The following NTRK3 variants were observed in gnomAD, a reference collection of about 807,000 sequenced individuals.
The protein encoded by NTRK3 is NT-3 growth factor receptor.
Under a neutral mutation model 91.7 loss-of-function variants are expected in NTRK3, and 24 were observed. The ratio of observed to expected loss-of-function variants is 0.26; its 90% CI spans 0.19 to 0.37. The LOEUF (loss-of-function observed/expected upper bound fraction) is 0.37, where lower values mean the gene tolerates loss of function less well. Ranked by LOEUF, NTRK3 falls within the 10% of genes least tolerant of loss-of-function variation. The pLI, the probability that NTRK3 is intolerant of heterozygous loss-of-function variation, is 1.00. For synonymous variants in NTRK3, 483 were observed against 404.0 expected (o/e 1.20, Z -2.34); for missense variants, 880 against 1,068.9 (o/e 0.82, Z 2.46).
chr15:87,981,825 G>A (rs1468417001), intron 14 of NTRK3, among the ~76,000 whole-genome samples: 1 of 152,160 alleles, frequency 6.6e-6, no homozygotes, highest in Non-Finnish European at 1.5e-5. Context: ...TAATTTTCAA[G>A]AGGAAAGCAA....
intron 3 of NTRK3, among the ~76,000 whole-genome samples, chr15:88,246,076 G>C (rs138030807): frequency 6.6e-6 from 1 of 152,270 alleles, no homozygotes; most frequent in African/African-American, 2.4e-5. Flanking sequence ...CCCCAGACCA[G>C]AGAGCTCCAC....
At chr15:88,054,883 A>G (rs967236233) in intron 13 of NTRK3, among the ~76,000 whole-genome samples, 1 of 152,108 alleles carries the variant, frequency 6.6e-6, no homozygotes, top group Non-Finnish European at 1.5e-5. Flanking sequence ...TTGCACTTCC[A>G]TGAGAAAGGT....
intron 14 of NTRK3, among the ~76,000 whole-genome samples, chr15:87,947,810 A>G (rs2070720655): frequency 1.3e-5 from 2 of 152,226 alleles, no homozygotes; most frequent in Admixed American, 1.3e-4. Flanking sequence ...GAAAACATTA[A>G]TTCAATACCA....
At chr15:87,951,619 A>C (rs1477996973) in intron 14 of NTRK3, among the ~76,000 whole-genome samples, 2 of 152,202 alleles carry the variant, frequency 1.3e-5, no homozygotes, top group Non-Finnish European at 2.9e-5. Flanking sequence ...GGACCCTAGG[A>C]AATGAACAGG....
Position 88,065,323 on chromosome 15 carries a change from C to G in NTRK3, c.1397-32278G>C, listed in dbSNP as rs145393853. Among the ~76,000 whole-genome samples, 204 of 152,310 alleles carry G rather than the reference C, an allele frequency of 1.3e-3. 1 individual carries two copies. Among genetic ancestry groups the G allele is most frequent in the Admixed American group, 2.4e-3 (36 of 15,300 alleles). ...TTCTAGCTCTCTAGCAGAAAACGTTCTTCTTAGTCCTGTTTCCAGTTCAGA... is the reference window on the plus strand; with the variant it reads ...TTCTAGCTCTCTAGCAGAAAACGTTGTTCTTAGTCCTGTTTCCAGTTCAGA... On this transcript the variant is annotated intron_variant, in intron 13 of 18. Coordinates refer to ENST00000394480, the Ensembl canonical transcript of NTRK3.
intron 13 of NTRK3, among the ~76,000 whole-genome samples, chr15:88,045,641 G>T (rs988042181): frequency 6.6e-6 from 1 of 152,184 alleles, no homozygotes; most frequent in Non-Finnish European, 1.5e-5. Context: ...AGTTCTGGAG[G>T]CTAGCAGTTG....
exon 19 of NTRK3, chr15:87,876,910 A>C (rs1279548714): frequency 6.2e-7 from 1 of 1,612,700 alleles, no homozygotes; most frequent in South Asian, 1.1e-5. Flanking sequence ...GCAACAGAGT[A>C]TGAATTCATG....
chr15:88,175,795 A>G (rs1249256138), intron 5 of NTRK3, among the ~76,000 whole-genome samples: 1 of 152,216 alleles, frequency 6.6e-6, no homozygotes, highest in African/African-American at 2.4e-5. Context: ...AGGCATAGAT[A>G]TGTTAAGTAA....
chr15:88,104,140 A>C (rs956146466), intron 13 of NTRK3, among the ~76,000 whole-genome samples: 6 of 152,196 alleles, frequency 3.9e-5, no homozygotes, highest in Non-Finnish European at 7.3e-5. Flanking sequence ...TTTACTACAA[A>C]TAACACTAAG....
At chr15:87,941,618 A>C (rs1191714884) in intron 14 of NTRK3, among the ~76,000 whole-genome samples, 2 of 152,104 alleles carry the variant, frequency 1.3e-5, no homozygotes, top group Non-Finnish European at 2.9e-5. Context: ...TACTTGGCCA[A>C]CCCTTCTCTG....
intron 13 of NTRK3, among the ~76,000 whole-genome samples, chr15:88,112,196 A>G (rs118098650): frequency 0.035 from 5,287 of 152,256 alleles, 146 homozygotes; most frequent in Non-Finnish European, 0.051. Context: ...GTGAGCCACC[A>G]TGCTCAGCCT....
chr15:88,184,489 G>T lies in NTRK3; in HGVS notation c.249-190C>A, dbSNP rs143408310. On this transcript the variant is annotated intron_variant, in intron 3 of 18. Coordinates refer to ENST00000394480, the Ensembl canonical transcript of NTRK3. Reference sequence around the variant, plus strand: ...GGGGTTCACACCGTCTGCCTGATTGGGTTGTTGCAAGAATTAACTGGATTC... The same window carrying T: ...GGGGTTCACACCGTCTGCCTGATTGTGTTGTTGCAAGAATTAACTGGATTC... 2.7e-4 allele frequency among the ~76,000 whole-genome samples: 41 copies of T among 152,270 alleles called. No individual in the cohort carries two copies. The East Asian group carries it at 2.7e-3, about 10-fold the overall frequency.
At position 88,243,612 on chromosome 15, in the gene NTRK3, A is replaced by G. The variant is rs146816679; in HGVS notation, c.248+12294T>C. On this transcript the variant is annotated intron_variant, in intron 3 of 18. Transcript: ENST00000394480. The surrounding 1 kb of genome is among the most constrained non-coding windows in gnomAD (Gnocchi z 4.8). ...GGTATTCAATCATGTCTGACACTCA[A>G]ATTTAAGCTAAAAGAGGCTTTTTTG... 9.4e-3 allele frequency among the ~76,000 whole-genome samples: 1,433 copies of G among 152,004 alleles called. 20 individuals carry two copies. Among genetic ancestry groups the G allele is most frequent in the African/African-American group, 0.031 (1,264 of 41,370 alleles).
intron 15 of NTRK3, among the ~76,000 whole-genome samples, chr15:87,938,827 C>T (rs966254589): frequency 2.0e-5 from 3 of 152,176 alleles, no homozygotes; most frequent in Admixed American, 6.5e-5. Flanking sequence ...ATCCCTGCTC[C>T]AAGCTGTTTA....
intron 14 of NTRK3, among the ~76,000 whole-genome samples, chr15:87,951,477 C>T (rs1360275041): frequency 3.3e-5 from 5 of 152,194 alleles, no homozygotes; most frequent in African/African-American, 1.2e-4. Context: ...TGGACATGGG[C>T]CGAGCCCTTA....
intron 13 of NTRK3, among the ~76,000 whole-genome samples, chr15:88,118,880 C>T (rs1326830990): frequency 6.6e-6 from 1 of 152,196 alleles, no homozygotes; most frequent in Non-Finnish European, 1.5e-5. Context: ...GCACTGTGCT[C>T]TGCTGCCAAC....
At chr15:87,916,183 C>G in intron 17 of NTRK3, 1 of 251,752 alleles carries the variant, frequency 4.0e-6, no homozygotes, top group Non-Finnish European at 7.7e-6. Flanking sequence ...CAATTCCCTA[C>G]CAGGAGGAAG....
intron 17 of NTRK3, among the ~76,000 whole-genome samples, chr15:87,915,943 G>C (rs1178941728): frequency 1.3e-5 from 2 of 152,094 alleles, no homozygotes; most frequent in Non-Finnish European, 1.5e-5. Context: ...CAATGTCAGT[G>C]GGTGCTCGGC....
At chr15:87,933,277 G>T in intron 15 of NTRK3, 93 bp from the exon 16 acceptor site, 1 of 1,204,262 alleles carries the variant, frequency 8.3e-7, no homozygotes, top group East Asian at 2.4e-5. Context: ...ACACACCACT[G>T]GGTTACCAAT....
Sources: gnomAD v4.1 joint callset for allele counts (sites outside exome capture counted in the v4.1 genomes callset) on GRCh38, gnomAD v4.1.1 for gene constraint, Gnocchi (gnomAD v3.1) non-coding constraint, MANE v1.5 for transcripts, NCBI Gene and HGNC (gene_info 2026-07-23, HGNC 2026-07-21) for gene names.